The following CDH18 variants were observed in gnomAD, a reference collection of about 807,000 sequenced individuals.
CDH18 encodes the protein cadherin-18.
A neutral mutation model predicts 67.9 loss-of-function variants in CDH18; 31 were observed. The ratio of observed to expected loss-of-function variants is 0.46; its 90% CI spans 0.34 to 0.62. The LOEUF (loss-of-function observed/expected upper bound fraction) is 0.62, where lower values mean the gene tolerates loss of function less well. CDH18 is among the 20% of genes least tolerant of loss of function. The pLI is 0.01. For synonymous variants in CDH18, 362 were observed against 347.2 expected (o/e 1.04, Z -0.48); for missense variants, 890 against 975.5 (o/e 0.91, Z 1.17).
rs898039895 is a variant in CDH18 at position 19,622,270 on chromosome 5, C to T, written c.644-9669G>A. Among the ~76,000 whole-genome samples the T allele has an allele frequency of 3.9e-5, 6 of 152,064 alleles. No homozygotes were observed. In the South Asian group the frequency reaches 8.3e-4, roughly 21 times the overall value. ...ACTCGGGTTACTGAAAGTTCTGATG[C>T]CAACTGCTCAGGATACAGTCTTTTG... On this transcript the variant is annotated intron_variant, in intron 5 of 12. Transcript: ENST00000382275.
intron 9 of CDH18, among the ~76,000 whole-genome samples, chr5:19,524,301 T>C (rs965076552): frequency 1.3e-4 from 20 of 149,476 alleles, no homozygotes; most frequent in Admixed American, 4.0e-4. Flanking sequence ...GCTTGTATAT[T>C]ATTATATTAA....
At chr5:20,007,672 AGTGTGT>A (rs145213048) in intron 2 of CDH18, among the ~76,000 whole-genome samples, 9,578 of 140,144 alleles carry the variant, frequency 0.068, 886 homozygotes, top group African/African-American at 0.21. Flanking sequence ...GTGTGTGGAA[AGTGTGT>A]GTGTGTGTGT....
intron 2 of CDH18, among the ~76,000 whole-genome samples, chr5:20,153,232 A>G (rs1751261389): frequency 6.6e-6 from 1 of 152,044 alleles, no homozygotes; most frequent in South Asian, 2.1e-4. Context: ...ACGGTTAGCC[A>G]GCCTGATGAT....
chr5:19,701,156 G>C (rs1236872494), intron 5 of CDH18, among the ~76,000 whole-genome samples: 1 of 151,994 alleles, frequency 6.6e-6, no homozygotes, highest in Non-Finnish European at 1.5e-5. Context: ...TCTCTAGTTA[G>C]CAAAGTGGGA....
At chr5:20,249,207 A>T (rs796862901) in intron 2 of CDH18, among the ~76,000 whole-genome samples, 1 of 151,984 alleles carries the variant, frequency 6.6e-6, no homozygotes, top group South Asian at 2.1e-4. Flanking sequence ...TCATTATGTG[A>T]TTTTTTTAAA....
At chr5:19,701,929 C>T (rs892799469) in intron 5 of CDH18, among the ~76,000 whole-genome samples, 4 of 152,142 alleles carry the variant, frequency 2.6e-5, no homozygotes, top group African/African-American at 7.2e-5. Context: ...CATGTTGAAA[C>T]GTATTGTGCA....
intron 1 of CDH18, among the ~76,000 whole-genome samples, chr5:20,488,060 T>C (rs1160582851): frequency 6.6e-6 from 1 of 152,142 alleles, no homozygotes; most frequent in Non-Finnish European, 1.5e-5. Flanking sequence ...ATTTCTTTCT[T>C]GCAGTTCTGA....
At chr5:19,803,115 T>C (rs553598687) in intron 3 of CDH18, among the ~76,000 whole-genome samples, 1 of 152,330 alleles carries the variant, frequency 6.6e-6, no homozygotes, top group South Asian at 2.1e-4. Context: ...AACCATGCCT[T>C]TGGGTACAAA....
chr5:20,123,905 A>G (rs1748595434), intron 2 of CDH18, among the ~76,000 whole-genome samples: 1 of 151,654 alleles, frequency 6.6e-6, no homozygotes, highest in Non-Finnish European at 1.5e-5. Context: ...AAAAAAAAAA[A>G]AGAATTTACA....
intron 1 of CDH18, among the ~76,000 whole-genome samples, chr5:20,543,346 CTA>C (rs949972419): frequency 2.6e-5 from 4 of 151,866 alleles, no homozygotes; most frequent in Non-Finnish European, 4.4e-5. Flanking sequence ...TTTCTCAATT[CTA>C]TGTCATTGTT....
At chr5:20,476,863 C>A (rs1752477161) in intron 1 of CDH18, among the ~76,000 whole-genome samples, 1 of 152,028 alleles carries the variant, frequency 6.6e-6, no homozygotes, top group Non-Finnish European at 1.5e-5. Flanking sequence ...TACAAGGCAA[C>A]CATTTTATTC....
chr5:19,776,275 T>C (rs772646960), intron 3 of CDH18, among the ~76,000 whole-genome samples: 8 of 152,180 alleles, frequency 5.3e-5, no homozygotes, highest in Non-Finnish European at 1.2e-4. Flanking sequence ...CTTTTCCACC[T>C]ACTCAAAAGG....
intron 2 of CDH18, among the ~76,000 whole-genome samples, chr5:20,128,290 AC>A (rs1181593459): frequency 2.0e-5 from 3 of 152,262 alleles, no homozygotes; most frequent in Non-Finnish European, 4.4e-5. Flanking sequence ...TTCTTTGAAA[AC>A]AATACACAAA....
chr5:19,594,400 C>T (rs1264484797), intron 6 of CDH18, among the ~76,000 whole-genome samples: 1 of 152,136 alleles, frequency 6.6e-6, no homozygotes. Context: ...ATCCACCTGT[C>T]TCTGCCTTCC....
At chr5:20,250,379 G>A (rs1743746813) in intron 2 of CDH18, among the ~76,000 whole-genome samples, 1 of 150,570 alleles carries the variant, frequency 6.6e-6, no homozygotes, top group Non-Finnish European at 1.5e-5. Flanking sequence ...GGCAACCTCC[G>A]CCTCCCGGAT....
intron 2 of CDH18, among the ~76,000 whole-genome samples, chr5:20,221,573 T>C (rs1938828551): frequency 6.6e-6 from 1 of 152,100 alleles, no homozygotes; most frequent in African/African-American, 2.4e-5. Context: ...GTAGCTATAG[T>C]CAATAATAAT....
intron 1 of CDH18, among the ~76,000 whole-genome samples, chr5:20,432,990 A>G (rs1329194765): frequency 6.8e-6 from 1 of 147,384 alleles, no homozygotes; most frequent in Non-Finnish European, 1.5e-5. Flanking sequence ...AAATGTATGT[A>G]TACTATTTAG....
Position 19,728,368 on chromosome 5 carries a change from CAGTT to C in CDH18, c.524-6906_524-6903del, listed in dbSNP as rs1459614648. Among the ~76,000 whole-genome samples the C allele has an allele frequency of 1.2e-4, 18 of 152,216 alleles. No homozygotes were observed. The South Asian group carries it at 2.1e-3, about 17-fold the overall frequency. ...CATGGTAAATATTTCCTATGGAACACAGTTAGCTGTTCCCATGCTGAGGATTAGT... is the reference window on the plus strand; with the variant it reads ...CATGGTAAATATTTCCTATGGAACACAGCTGTTCCCATGCTGAGGATTAGT... On this transcript the variant is annotated intron_variant, in intron 4 of 12. Transcript: ENST00000382275.
intron 1 of CDH18, among the ~76,000 whole-genome samples, chr5:20,322,595 A>C (rs10473381): frequency 0.11 from 16,787 of 152,124 alleles, 1,527 homozygotes; most frequent in East Asian, 0.37. Context: ...AAGTACTAAA[A>C]AGTGCCTGGC....
Sources: allele counts gnomAD v4.1 joint callset (sites outside exome capture counted in the v4.1 genomes callset), GRCh38; gene constraint gnomAD v4.1.1; transcripts MANE v1.5; gene names NCBI Gene and HGNC (gene_info 2026-07-23, HGNC 2026-07-21).